SPCS2: variants seen among roughly 807,000 people sequenced by gnomAD.
SPCS2 encodes signal peptidase complex subunit 2.
SPCS2 carries 3 observed loss-of-function variants against 22.3 expected under a neutral mutation model. The observed-to-expected ratio is 0.13, with a 90% CI of 0.06 to 0.35. SPCS2 has a LOEUF of 0.35. SPCS2 is among the 10% of genes least tolerant of loss of function. SPCS2 has a pLI of 1.00. For synonymous variants in SPCS2, 67 were observed against 97.2 expected (o/e 0.69, Z 1.83); for missense variants, 169 against 280.9 (o/e 0.60, Z 2.85).
chr11:74,974,323 T>G (rs1948603744), intron 4 of SPCS2, among the ~76,000 whole-genome samples: 1 of 152,214 alleles, frequency 6.6e-6, no homozygotes, highest in Non-Finnish European at 1.5e-5. Flanking sequence ...TCTAAATATA[T>G]TCTGGCATTC....
chr11:74,969,744 C>T, intron 4 of SPCS2, 45 bp downstream of exon 4: 1 of 1,610,084 alleles, frequency 6.2e-7, no homozygotes, highest in South Asian at 1.1e-5. Flanking sequence ...GTTGGATTTG[C>T]CCTGGCATGT....
At chr11:74,972,063 C>T (rs1001873787) in intron 4 of SPCS2, among the ~76,000 whole-genome samples, 14 of 151,816 alleles carry the variant, frequency 9.2e-5, no homozygotes, top group African/African-American at 3.4e-4. Context: ...TTAGGTGGTC[C>T]TAGTTATTCT....
At chr11:74,964,204 G>A (rs971491207) in intron 1 of SPCS2, among the ~76,000 whole-genome samples, 2 of 152,198 alleles carry the variant, frequency 1.3e-5, no homozygotes, top group African/African-American at 4.8e-5. Context: ...CATGTATTCA[G>A]TTATAGAAAC....
In SPCS2 at chr11:74,949,306, G is replaced by C. The variant is rs61739906; in HGVS notation, c.21G>C (p.Gln7His). The C allele has an allele frequency of 9.7e-6, 15 of 1,550,250 alleles. No homozygotes were observed. Among genetic ancestry groups the C allele is most frequent in the Non-Finnish European group, 1.3e-5 (15 of 1,146,610 alleles). Reference protein sequence around the residue: MAAAAVQGGRSGGSGGC... With the variant: MAAAAVHGGRSGGSGGC... ...ACAAGATGGCGGCGGCAGCTGTACAGGGCGGGAGAAGCGGTGGTAGCGGAG... is the reference window on the plus strand; with the variant it reads ...ACAAGATGGCGGCGGCAGCTGTACACGGCGGGAGAAGCGGTGGTAGCGGAG... The change falls in exon 1 of 5, where the codon CAG (glutamine) becomes CAC (histidine). Residue 7 changes from glutamine to histidine, a missense_variant. By Grantham distance (24) the Gln-to-His change is conservative. This residue lies in a region of SPCS2 where 51 missense variants were observed against 37.8 expected (regional missense o/e 1.35). Coordinates refer to ENST00000263672, the MANE Select transcript of SPCS2 (RefSeq NM_014752.3).
intron 4 of SPCS2, among the ~76,000 whole-genome samples, chr11:74,974,443 A>T (rs1948604273): frequency 6.6e-6 from 1 of 152,100 alleles, no homozygotes; most frequent in African/African-American, 2.4e-5. Context: ...ACTTCAATAA[A>T]TGGCAGTGCT....
At chr11:74,971,526 G>C (rs1948584328) in intron 4 of SPCS2, among the ~76,000 whole-genome samples, 1 of 152,084 alleles carries the variant, frequency 6.6e-6, no homozygotes, top group Admixed American at 6.5e-5. Context: ...CCGTATTGTT[G>C]GTGGAGTGGA....
chr11:74,974,108 A>G (rs1948602624), intron 4 of SPCS2, among the ~76,000 whole-genome samples: 1 of 97,252 alleles, frequency 1.0e-5, no homozygotes, highest in Non-Finnish European at 2.1e-5. Context: ...TTACTTTGTA[A>G]TACTTTTTTT....
chr11:74,976,852 C>T lies in SPCS2; in HGVS notation c.495-5C>T, dbSNP rs375085589. The stretch of plus-strand genomic sequence containing the variant: ...TTAATTTGTTATCTTTGCCCCCATG[C>T]TTAGGTTTGATGACAAATACACCTT... On this transcript the variant is annotated splice_region_variant and splice_polypyrimidine_tract_variant and intron_variant, in intron 4 of 4. Coordinates refer to ENST00000263672, the MANE Select transcript of SPCS2 (RefSeq NM_014752.3). The T allele has an allele frequency of 1.2e-6, 2 of 1,613,678 alleles. No individual in the cohort carries two copies. The highest frequency in any genetic ancestry group is 2.7e-5 in the African/African-American group (2 of 75,016).
Position 74,949,318 on chromosome 11 carries a change from C to T in SPCS2, c.33C>T (p.Ser11=). ...CGGCAGCTGTACAGGGCGGGAGAAG[C>T]GGTGGTAGCGGAGGCTGTAGTGGGG... MAAAAVQGGR[S]GGSGGCSGAG... Residue 11 remains serine (S), a synonymous_variant, in exon 1 of 5, where the codon AGC becomes AGT. Coordinates refer to ENST00000263672, the MANE Select transcript of SPCS2 (RefSeq NM_014752.3). 6.5e-7 allele frequency: 1 copy of T among 1,550,284 alleles called. No homozygotes were observed.
At chr11:74,961,247 G>GT (rs1948512770) in intron 1 of SPCS2, among the ~76,000 whole-genome samples, 1 of 152,308 alleles carries the variant, frequency 6.6e-6, no homozygotes, top group African/African-American at 2.4e-5. Context: ...ACTGTGCTAT[G>GT]TTTTATAATT....
intron 1 of SPCS2, among the ~76,000 whole-genome samples, chr11:74,960,171 A>G (rs1006968814): frequency 2.0e-5 from 3 of 152,178 alleles, no homozygotes; most frequent in Non-Finnish European, 4.4e-5. Context: ...TCTCTATTAA[A>G]AAATACAAAA....
intron 1 of SPCS2, among the ~76,000 whole-genome samples, chr11:74,958,091 T>G (rs1034958089): frequency 6.6e-6 from 1 of 152,226 alleles, no homozygotes; most frequent in Non-Finnish European, 1.5e-5. Flanking sequence ...TCATGTAGGC[T>G]TCTCTATTCA....
At chr11:74,949,512 T>C (rs1948304721) in intron 1 of SPCS2, 113 bp downstream of exon 1, 1 of 936,844 alleles carries the variant, frequency 1.1e-6, no homozygotes, top group Non-Finnish European at 1.7e-6. Context: ...GGGGAGCCCT[T>C]GTGTGACCAC....
intron 1 of SPCS2, among the ~76,000 whole-genome samples, chr11:74,959,349 C>T (rs1439135567): frequency 6.6e-6 from 1 of 152,180 alleles, no homozygotes; most frequent in Non-Finnish European, 1.5e-5. Context: ...GTGTCATACT[C>T]AAAACAATTT....
At chr11:74,967,944 G>C (rs984036360) in intron 3 of SPCS2, among the ~76,000 whole-genome samples, 3 of 151,482 alleles carry the variant, frequency 2.0e-5, no homozygotes, top group African/African-American at 7.3e-5. Flanking sequence ...AAAAAAAAAA[G>C]TCTTCTGTAT....
At chr11:74,971,571 CTGA>C (rs948880754) in intron 4 of SPCS2, among the ~76,000 whole-genome samples, 1 of 152,150 alleles carries the variant, frequency 6.6e-6, no homozygotes, top group African/African-American at 2.4e-5. Context: ...CGGCTTTCTG[CTGA>C]TGTCTTCTCC....
chr11:74,972,738 C>T (rs1297319), intron 4 of SPCS2, among the ~76,000 whole-genome samples: 60,782 of 149,400 alleles, frequency 0.41, 13,135 homozygotes, highest in Middle Eastern at 0.5. Flanking sequence ...TTTTTTTAAA[C>T]AACAAATTGG....
At chr11:74,965,708 C>A in intron 2 of SPCS2, 55 bp from the exon 3 acceptor site, 2 of 1,436,000 alleles carry the variant, frequency 1.4e-6, no homozygotes, top group African/African-American at 1.4e-5. Flanking sequence ...AGAATAAAAG[C>A]ACATACTGGG....
chr11:74,955,370 A>G (rs1948471830), intron 1 of SPCS2, among the ~76,000 whole-genome samples: 1 of 152,218 alleles, frequency 6.6e-6, no homozygotes, highest in African/African-American at 2.4e-5. Flanking sequence ...TATCTATACA[A>G]TGGAATATAA....
Sources: gnomAD v4.1 joint callset for allele counts (sites outside exome capture counted in the v4.1 genomes callset) on GRCh38, gnomAD v4.1.1 for gene constraint, gnomAD v4.1.1 regional missense constraint, MANE v1.5 for transcripts, NCBI Gene and HGNC (gene_info 2026-07-23, HGNC 2026-07-21) for gene names.